The following CACNB4 variants were observed in gnomAD, a reference collection of about 807,000 sequenced individuals.
CACNB4 encodes the protein voltage-dependent L-type calcium channel subunit beta-4.
CACNB4 carries 32 observed loss-of-function variants against 71.2 expected under a neutral mutation model. The ratio of observed to expected loss-of-function variants is 0.45; its 90% CI spans 0.34 to 0.60. The LOEUF (loss-of-function observed/expected upper bound fraction) is 0.60. Among genes scored for constraint, CACNB4 ranks in the 20% least tolerant of loss-of-function variants. The pLI, the probability that CACNB4 is intolerant of heterozygous loss-of-function variation, is 0.01. For missense variants in CACNB4, 464 were observed against 647.9 expected, an observed-to-expected ratio of 0.72 and a Z score of 3.08; for synonymous variants, 231 against 236.9, an observed-to-expected ratio of 0.97 and a Z score of 0.23.
intron 2 of CACNB4, among the ~76,000 whole-genome samples, chr2:152,007,500 T>C (rs892073075): frequency 6.6e-6 from 1 of 152,234 alleles, no homozygotes; most frequent in Non-Finnish European, 1.5e-5. Flanking sequence ...TTATTTCACT[T>C]AGCGTAATGT....
intron 2 of CACNB4, among the ~76,000 whole-genome samples, chr2:151,987,059 C>T (rs1248739087): frequency 6.6e-6 from 1 of 152,142 alleles, no homozygotes; most frequent in Non-Finnish European, 1.5e-5. Flanking sequence ...CTGAATTCCT[C>T]AACAAATCCA....
intron 2 of CACNB4, among the ~76,000 whole-genome samples, chr2:152,061,238 G>GGGGTT (rs1685997084): frequency 6.6e-6 from 1 of 152,132 alleles, no homozygotes; most frequent in African/African-American, 2.4e-5. Context: ...CTTGAGCCCA[G>GGGGTT]GGGTTGGAGG....
intron 2 of CACNB4, among the ~76,000 whole-genome samples, chr2:152,050,978 A>G (rs529615633): frequency 6.6e-6 from 1 of 152,136 alleles, no homozygotes; most frequent in South Asian, 2.1e-4. Flanking sequence ...CATGTTGCCC[A>G]GGCTGGTCTT....
At chr2:152,097,886 A>G (rs1229532027) in intron 2 of CACNB4, among the ~76,000 whole-genome samples, 1 of 152,200 alleles carries the variant, frequency 6.6e-6, no homozygotes, top group African/African-American at 2.4e-5. Flanking sequence ...ATCCAGACAG[A>G]TAAGAGTATT....
chr2:151,985,198 T>G (rs1192843607), intron 2 of CACNB4, among the ~76,000 whole-genome samples: 1 of 152,210 alleles, frequency 6.6e-6, no homozygotes, highest in African/African-American at 2.4e-5. Context: ...TGTTAATATT[T>G]TGGTGTTTTT....
intron 2 of CACNB4, among the ~76,000 whole-genome samples, chr2:151,931,506 T>C (rs532575431): frequency 1.3e-5 from 2 of 152,296 alleles, no homozygotes; most frequent in African/African-American, 4.8e-5. Flanking sequence ...AAAAGGAACA[T>C]GGCAACATCA....
intron 2 of CACNB4, among the ~76,000 whole-genome samples, chr2:151,911,623 G>A (rs2099856189): frequency 6.6e-6 from 1 of 152,108 alleles, no homozygotes; most frequent in Non-Finnish European, 1.5e-5. Context: ...CAGGGATATT[G>A]GCCTGAAGTC....
At chr2:152,080,959 A>G (rs1449606960) in intron 2 of CACNB4, among the ~76,000 whole-genome samples, 1 of 152,098 alleles carries the variant, frequency 6.6e-6, no homozygotes, top group Non-Finnish European at 1.5e-5. Context: ...AAGCTTGCTG[A>G]GGCCCTCACC....
chr2:152,026,054 G>A (rs1297243282), intron 2 of CACNB4, among the ~76,000 whole-genome samples: 3 of 152,272 alleles, frequency 2.0e-5, no homozygotes, highest in East Asian at 3.9e-4. Context: ...GCGCAGGGCC[G>A]AGGCCACCAC....
Position 151,842,043 on chromosome 2 carries a change from A to G in CACNB4, c.1162T>C (p.Cys388Arg), listed in dbSNP as rs2099836354. 6.2e-7 allele frequency: 1 copy of G among 1,613,948 alleles called. No homozygotes were observed. Among genetic ancestry groups the G allele is most frequent in the Non-Finnish European group, 8.5e-7 (1 of 1,179,854 alleles). ...ILDENQLEDA[C>R]EHLGEYLEAY... ...TCCAGGTACTCCCCTAGATGTTCAC[A>G]TGCATCCTCAAGCTGATTTTCATCC... Residue 388 changes from cysteine (C) to arginine (R), a missense_variant, in exon 13 of 14, where the codon TGT becomes CGT. By Grantham distance (180) the Cys-to-Arg change is radical. Coordinates refer to ENST00000539935, the MANE Select transcript of CACNB4 (RefSeq NM_000726.5).
chr2:152,040,687 C>G (rs2105242172), intron 2 of CACNB4, among the ~76,000 whole-genome samples: 1 of 152,288 alleles, frequency 6.6e-6, no homozygotes, highest in South Asian at 2.1e-4. Context: ...GTGATACACT[C>G]GCCTCGGCCT....
intron 2 of CACNB4, among the ~76,000 whole-genome samples, chr2:151,984,087 C>T (rs896519833): frequency 6.6e-6 from 1 of 152,124 alleles, no homozygotes; most frequent in African/African-American, 2.4e-5. Flanking sequence ...AATAACCAGT[C>T]GGTCCAGAGC....
At chr2:152,057,170 T>G (rs889304938) in intron 2 of CACNB4, among the ~76,000 whole-genome samples, 2 of 152,170 alleles carry the variant, frequency 1.3e-5, no homozygotes, top group Non-Finnish European at 2.9e-5. Flanking sequence ...TGGTCTCCTG[T>G]CAACAGCCAG....
intron 2 of CACNB4, among the ~76,000 whole-genome samples, chr2:151,990,707 C>T (rs1249424252): frequency 6.6e-6 from 1 of 152,180 alleles, no homozygotes. Context: ...ACACCATGGG[C>T]ACAACTCTGA....
intron 12 of CACNB4, among the ~76,000 whole-genome samples, chr2:151,848,804 A>T (rs1233511065): frequency 6.6e-6 from 1 of 152,230 alleles, no homozygotes; most frequent in African/African-American, 2.4e-5. Flanking sequence ...CATTTCATTT[A>T]TATGTTCAAT....
intron 2 of CACNB4, among the ~76,000 whole-genome samples, chr2:151,924,082 T>C (rs2099859626): frequency 7.3e-6 from 1 of 136,194 alleles, no homozygotes; most frequent in East Asian, 2.1e-4. Context: ...TCTTTTTTTT[T>C]TTTTTTTTTT....
intron 9 of CACNB4, chr2:151,866,541 G>A (rs893012689): frequency 1.3e-5 from 2 of 152,186 alleles, no homozygotes; most frequent in African/African-American, 4.8e-5. Flanking sequence ...ACATAATGCA[G>A]CATGATGTTA....
At chr2:151,963,661 C>G (rs1381274004) in intron 2 of CACNB4, among the ~76,000 whole-genome samples, 1 of 152,092 alleles carries the variant, frequency 6.6e-6, no homozygotes, top group Non-Finnish European at 1.5e-5. Flanking sequence ...AAATGTTTTA[C>G]AATGCTCACC....
At chr2:151,989,005 C>T (rs1044773609) in intron 2 of CACNB4, among the ~76,000 whole-genome samples, 2 of 152,210 alleles carry the variant, frequency 1.3e-5, no homozygotes, top group Non-Finnish European at 2.9e-5. Context: ...AATAGAGCAA[C>T]TGACAATTCC....
Sources: allele counts gnomAD v4.1 joint callset (sites outside exome capture counted in the v4.1 genomes callset), GRCh38; gene constraint gnomAD v4.1.1; transcripts MANE v1.5; gene names NCBI Gene and HGNC (gene_info 2026-07-23, HGNC 2026-07-21).